The following REXO5 variants were observed in gnomAD, a reference collection of about 807,000 sequenced individuals.
The protein encoded by REXO5 is exonuclease NEF-sp.
REXO5 carries 48 observed loss-of-function variants against 88.5 expected under a neutral mutation model. The ratio of observed to expected loss-of-function variants is 0.54; its 90% CI spans 0.43 to 0.69. The LOEUF is 0.69. REXO5 is among the 30% of genes least tolerant of loss of function. REXO5 has a pLI of 0.00. For synonymous variants in REXO5, 311 were observed against 336.5 expected (o/e 0.92, Z 0.83); for missense variants, 749 against 912.2 (o/e 0.82, Z 2.30).
At position 20,827,116 on chromosome 16, in the gene REXO5, C is replaced by T; in HGVS notation, c.880C>T (p.Gln294Ter). 1.2e-6 allele frequency: 2 copies of T among 1,614,028 alleles called. No individual in the cohort carries two copies. Among genetic ancestry groups the T allele is most frequent in the Non-Finnish European group, 1.7e-6 (2 of 1,179,944 alleles). Reference sequence around the variant, plus strand: ...AGTGACGACCAAACTCAAAGATGTACAGAGGCAGTTAAAAGCACTGCTTCC... The same window carrying T: ...AGTGACGACCAAACTCAAAGATGTATAGAGGCAGTTAAAAGCACTGCTTCC... ...NPVTTKLKDV[Q>*]RQLKALLPPD... Residue 294 changes from glutamine to a stop codon, truncating the protein, a stop_gained, in exon 9 of 20, where the codon CAG becomes TAG. Transcript: ENST00000261377. LOFTEE classifies it high-confidence loss of function.
At position 20,849,615 on chromosome 16, in the gene REXO5, T is replaced by C; in HGVS notation, c.*135T>C. ...GTATAGCAGCTAAAAGAGTTTAGTT[T>C]GTTTATATGGCATGTATAAGTTTTC... On this transcript the variant is annotated 3_prime_UTR_variant, in exon 20 of 20. Coordinates refer to ENST00000261377, the MANE Select transcript of REXO5 (RefSeq NM_030941.3). The C allele has an allele frequency of 1.4e-6, 1 of 708,064 alleles. No homozygotes were observed. Among genetic ancestry groups the C allele is most frequent in the Non-Finnish European group, 2.5e-6 (1 of 407,046 alleles). The allele number at this position is 708,064 out of a possible 1,614,324, so 43.9% of individuals were successfully genotyped here.
chr16:20,841,604 T>C (rs1336595900), intron 15 of REXO5, among the ~76,000 whole-genome samples: 1 of 152,174 alleles, frequency 6.6e-6, no homozygotes, highest in African/African-American at 2.4e-5. Flanking sequence ...TCTAAATTTT[T>C]TAATTTAATT....
At chr16:20,849,254 C>T in intron 19 of REXO5, 145 bp from the exon 20 acceptor site, 3 of 668,744 alleles carry the variant, frequency 4.5e-6, no homozygotes, top group East Asian at 2.8e-5. Context: ...AAACCATCTT[C>T]AGCAGGCAGC....
chr16:20,817,957 A>G (rs905586832), intron 5 of REXO5, among the ~76,000 whole-genome samples: 2 of 152,096 alleles, frequency 1.3e-5, no homozygotes, highest in Admixed American at 1.3e-4. Flanking sequence ...CTCATCCTCA[A>G]ATAATGGTCT....
At chr16:20,813,344 C>CTTTTTTT (rs56875427) in intron 3 of REXO5, 42 bp downstream of exon 3, 24 of 643,928 alleles carry the variant, frequency 3.7e-5, no homozygotes, top group South Asian at 1.0e-4. Flanking sequence ...CCAGCGGTTT[C>CTTTTTTT]TTTTTTTTTT....
chr16:20,827,911 A>G (rs190258871), intron 10 of REXO5, among the ~76,000 whole-genome samples: 2 of 152,292 alleles, frequency 1.3e-5, no homozygotes, highest in East Asian at 3.9e-4. Flanking sequence ...TGTGATATGA[A>G]CACCTCTCTA....
In REXO5 at chr16:20,806,711, C is replaced by T. The variant is rs1020888726; in HGVS notation, c.-3+6C>T. 2 of 990,870 alleles carry T rather than the reference C, an allele frequency of 2.0e-6. No homozygotes were observed. Among genetic ancestry groups the T allele is most frequent in the Non-Finnish European group, 2.9e-6 (2 of 695,560 alleles). The allele number at this position is 990,870 out of a possible 1,614,324, so 61.4% of individuals were successfully genotyped here. A position where few individuals can be genotyped will look rare whatever the true frequency, so the allele number is the denominator to read the frequency against. ...GGGGAACCGTTGAGAATCCGGTAAC[C>T]GATGCGGACGGTAAAGCCGTTTGGG... On this transcript the variant is annotated splice_donor_region_variant and intron_variant, in intron 1 of 19. Transcript: ENST00000261377.
At chr16:20,840,233 C>CA (rs1245353294) in intron 14 of REXO5, 98 bp from the exon 15 acceptor site, 20 of 1,088,300 alleles carry the variant, frequency 1.8e-5, no homozygotes, top group Admixed American at 2.9e-5. Context: ...GTATTTATAT[C>CA]AAAAAAATCT....
intron 19 of REXO5, among the ~76,000 whole-genome samples, chr16:20,849,097 G>A (rs769299517): frequency 2.2e-4 from 34 of 152,220 alleles, no homozygotes; most frequent in Non-Finnish European, 4.4e-5. Flanking sequence ...CTCAGTGTAT[G>A]TTTGCTATTG....
intron 2 of REXO5, among the ~76,000 whole-genome samples, 191 bp from the exon 3 acceptor site, chr16:20,812,999 A>G (rs2107232): frequency 0.62 from 94,506 of 152,066 alleles, 30,477 homozygotes; most frequent in Non-Finnish European, 0.72. Flanking sequence ...GTCAATGATA[A>G]TTACTTTATT....
At chr16:20,828,922 T>G (rs2081299320) in intron 11 of REXO5, among the ~76,000 whole-genome samples, 1 of 145,092 alleles carries the variant, frequency 6.9e-6, no homozygotes, top group Non-Finnish European at 1.5e-5. Flanking sequence ...CCAGCTTAGG[T>G]GACAGAGCAA....
At chr16:20,837,926 TG>T (rs1429063908) in intron 13 of REXO5, among the ~76,000 whole-genome samples, 2 of 152,010 alleles carry the variant, frequency 1.3e-5, no homozygotes, top group Non-Finnish European at 2.9e-5. Context: ...CCACCATGCC[TG>T]GCTAATTTTT....
chr16:20,811,672 G>T (rs2081000902), intron 2 of REXO5, among the ~76,000 whole-genome samples: 1 of 152,192 alleles, frequency 6.6e-6, no homozygotes, highest in South Asian at 2.1e-4. Flanking sequence ...AAATGGGGAT[G>T]ATAGTAGTAC....
chr16:20,844,772 C>T lies in REXO5; in HGVS notation c.1863C>T (p.Leu621=). The T allele has an allele frequency of 6.2e-7, 1 of 1,614,202 alleles. No homozygotes were observed. Among genetic ancestry groups the T allele is most frequent in the Non-Finnish European group, 8.5e-7 (1 of 1,180,020 alleles). ...FKEQLLQEPR[L]FLGLEAVILP... The stretch of plus-strand genomic sequence containing the variant: ...AACAGCTATTGCAGGAGCCCCGCCT[C>T]TTTCTTGGCCTGGAAGCTGTGATCT... Residue 621 remains leucine, a synonymous_variant, in exon 17 of 20, where the codon CTC becomes CTT. Transcript: ENST00000261377.
intron 6 of REXO5, among the ~76,000 whole-genome samples, chr16:20,822,591 C>T (rs1722710742): frequency 6.6e-6 from 1 of 152,208 alleles, no homozygotes; most frequent in Admixed American, 6.5e-5. Flanking sequence ...CTCCCTGAGC[C>T]TTTGACAACC....
In REXO5 at chr16:20,840,030, ATAC is replaced by A. The variant is rs2081501932; in HGVS notation, c.1488+173_1488+175del. The A allele has an allele frequency of 1.0e-5, 6 of 575,254 alleles. No individual in the cohort carries two copies. In the Admixed American group the frequency reaches 1.9e-4, roughly 18 times the overall value. The allele number at this position is 575,254 out of a possible 1,614,324, so 35.6% of individuals were successfully genotyped here. A position where few individuals can be genotyped will look rare whatever the true frequency, so the allele number is the denominator to read the frequency against. On this transcript the variant is annotated intron_variant, in intron 14 of 19. Coordinates refer to ENST00000261377, the MANE Select transcript of REXO5 (RefSeq NM_030941.3). The stretch of plus-strand genomic sequence containing the variant: ...TATGAAAATGGGAATCAGACTATGC[ATAC>A]TGTTTTGCAACTTTATTTTTTCATT...
intron 5 of REXO5, among the ~76,000 whole-genome samples, chr16:20,818,285 A>G (rs1456823638): frequency 2.0e-5 from 3 of 152,130 alleles, no homozygotes; most frequent in Non-Finnish European, 2.9e-5. Context: ...TGTCATGAGG[A>G]ATTTTGTTGG....
chr16:20,849,444 G>A lies in REXO5; in HGVS notation c.2289G>A (p.Glu763=). 1 of 1,614,086 alleles carries A rather than the reference G, an allele frequency of 6.2e-7. No homozygotes were observed. Among genetic ancestry groups the A allele is most frequent in the Non-Finnish European group, 8.5e-7 (1 of 1,179,926 alleles). Residue 763 remains glutamate (E), a synonymous_variant, in exon 20 of 20, where the codon GAG becomes GAA. Coordinates refer to ENST00000261377, the MANE Select transcript of REXO5 (RefSeq NM_030941.3). ...LSGLGLMGIK[E]EEESAGPGLC... ...GTCTAGGACTGATGGGAATAAAAGA[G>A]GAAGAAGAAAGCGCTGGCCCAGGCC... is the stretch of plus-strand genomic sequence containing the variant.
chr16:20,828,044 T>G (rs566833780), intron 10 of REXO5, among the ~76,000 whole-genome samples: 33 of 152,242 alleles, frequency 2.2e-4, no homozygotes, highest in African/African-American at 7.2e-4. Context: ...TAAAAACACC[T>G]AAGAAAGTAT....
Sources: allele counts gnomAD v4.1 joint callset (sites outside exome capture counted in the v4.1 genomes callset), GRCh38; gene constraint gnomAD v4.1.1; transcripts MANE v1.5; gene names NCBI Gene and HGNC (gene_info 2026-07-23, HGNC 2026-07-21).